CSMD1: variants seen among roughly 807,000 people sequenced by gnomAD.
The protein encoded by CSMD1 is CUB and Sushi multiple domains 1, also known as CUB and sushi domain-containing protein 1.
A neutral mutation model predicts 417.5 loss-of-function variants in CSMD1; 213 were observed. That is an observed-to-expected ratio of 0.51 (90% CI 0.46 to 0.57). The LOEUF is 0.57. Among genes scored for constraint, CSMD1 ranks in the 20% least tolerant of loss-of-function variants. The pLI is 0.00. For synonymous variants in CSMD1, 2,862 were observed against 1,736.8 expected (o/e 1.65, Z -16.11); for missense variants, 6,923 against 4,529.7 (o/e 1.53, Z -15.17).
intron 3 of CSMD1, among the ~76,000 whole-genome samples, chr8:4,414,059 C>CA (rs1267333686): frequency 6.6e-6 from 1 of 152,148 alleles, no homozygotes; most frequent in African/African-American, 2.4e-5. Flanking sequence ...TCTATCCTGC[C>CA]AGGTGCATCA....
chr8:4,879,758 A>T (rs1563659670), intron 1 of CSMD1, among the ~76,000 whole-genome samples: 1 of 152,136 alleles, frequency 6.6e-6, no homozygotes, highest in Non-Finnish European at 1.5e-5. Context: ...ATAGAACCGG[A>T]AATCTCAAGT....
At chr8:4,316,371 T>C (rs1798930186) in intron 3 of CSMD1, among the ~76,000 whole-genome samples, 1 of 152,162 alleles carries the variant, frequency 6.6e-6, no homozygotes, top group South Asian at 2.1e-4. Flanking sequence ...TACTCTGGGC[T>C]GCCACAGACC....
At chr8:4,824,082 C>CCA (rs34597770) in intron 1 of CSMD1, among the ~76,000 whole-genome samples, 10,073 of 147,670 alleles carry the variant, frequency 0.068, 581 homozygotes, top group East Asian at 0.26. Flanking sequence ...AAATAAATAT[C>CCA]CACACACACA....
intron 1 of CSMD1, among the ~76,000 whole-genome samples, chr8:4,880,502 T>C (rs1393158242): frequency 2.0e-5 from 3 of 152,080 alleles, no homozygotes; most frequent in Non-Finnish European, 4.4e-5. Context: ...AATTCTGTCA[T>C]ACAGAACCAC....
At chr8:4,788,023 C>G in intron 1 of CSMD1, 1 of 1,589,048 alleles carries the variant, frequency 6.3e-7, no homozygotes, top group South Asian at 1.1e-5. Flanking sequence ...AAAGAAGTAA[C>G]TCCTGAAGGG....
intron 7 of CSMD1, among the ~76,000 whole-genome samples, chr8:3,668,740 C>A (rs1264886204): frequency 6.6e-6 from 1 of 152,094 alleles, no homozygotes; most frequent in African/African-American, 2.4e-5. Flanking sequence ...GAGGGGCCAA[C>A]GCTAGGGAAG....
chr8:4,185,943 G>A (rs868099751), intron 3 of CSMD1, among the ~76,000 whole-genome samples: 1 of 152,130 alleles, frequency 6.6e-6, no homozygotes, highest in Non-Finnish European at 1.5e-5. Flanking sequence ...AATACTTTCA[G>A]CTTAAGGTCT....
At chr8:3,809,592 C>A (rs889610735) in intron 5 of CSMD1, among the ~76,000 whole-genome samples, 2 of 151,900 alleles carry the variant, frequency 1.3e-5, no homozygotes, top group African/African-American at 2.4e-5. Context: ...AGATAGTTGG[C>A]CCCACCTGCA....
intron 5 of CSMD1, among the ~76,000 whole-genome samples, chr8:3,786,080 T>A (rs1238287585): frequency 6.6e-6 from 1 of 152,112 alleles, no homozygotes; most frequent in Non-Finnish European, 1.5e-5. Context: ...CAGGCCTCAT[T>A]GAAAGACTGG....
At chr8:4,607,753 C>G (rs2130782412) in intron 2 of CSMD1, among the ~76,000 whole-genome samples, 1 of 152,326 alleles carries the variant, frequency 6.6e-6, no homozygotes, top group South Asian at 2.1e-4. Context: ...CCTCAAACCG[C>G]TTGAGAGTGA....
At chr8:3,961,389 T>C (rs1232075751) in intron 5 of CSMD1, among the ~76,000 whole-genome samples, 5 of 152,240 alleles carry the variant, frequency 3.3e-5, no homozygotes, top group Non-Finnish European at 7.3e-5. Flanking sequence ...GACTCCACTG[T>C]ACACAGTTTC....
intron 6 of CSMD1, among the ~76,000 whole-genome samples, chr8:3,732,408 A>G (rs2129047947): frequency 6.6e-6 from 1 of 152,306 alleles, no homozygotes; most frequent in East Asian, 1.9e-4. Flanking sequence ...CCCTTCAATG[A>G]AATTAATAAT....
intron 2 of CSMD1, among the ~76,000 whole-genome samples, chr8:4,546,085 C>G (rs919134568): frequency 6.6e-6 from 1 of 152,168 alleles, no homozygotes; most frequent in Non-Finnish European, 1.5e-5. Context: ...CACCCTCACC[C>G]AGGTATAAAT....
chr8:3,733,119 A>T (rs1376425832), intron 6 of CSMD1, among the ~76,000 whole-genome samples: 1 of 151,666 alleles, frequency 6.6e-6, no homozygotes, highest in African/African-American at 2.4e-5. Context: ...AGTGGAAAAG[A>T]TAAAGTGAAA....
chr8:3,232,537 G>A (rs1200554340), intron 26 of CSMD1, among the ~76,000 whole-genome samples: 1 of 152,158 alleles, frequency 6.6e-6, no homozygotes, highest in Non-Finnish European at 1.5e-5. Flanking sequence ...ATAAAATGCT[G>A]CTGCGAAAAC....
chr8:3,249,763 T>C (rs76764656), intron 26 of CSMD1, among the ~76,000 whole-genome samples: 1 of 146,172 alleles, frequency 6.8e-6, no homozygotes, highest in African/African-American at 2.5e-5. Flanking sequence ...CCGTTTTTTT[T>C]AAATCTAATC....
rs73658254 is a variant in CSMD1 at position 3,773,786 on chromosome 8, T to C, written c.819-19744A>G. Among the ~76,000 whole-genome samples the C allele has an allele frequency of 9.1e-3, 1,391 of 152,280 alleles. 23 individuals carry two copies. The highest frequency in any genetic ancestry group is 0.032 in the African/African-American group (1,319 of 41,554). ...GAATAAATATCCAGAATAAATATCA[T>C]TCAAGTGGCAGGCCCATCTACATGC... On this transcript the variant is annotated intron_variant, in intron 5 of 69. Transcript: ENST00000635120.
At chr8:3,880,365 A>G (rs1585131955) in intron 5 of CSMD1, among the ~76,000 whole-genome samples, 2 of 152,242 alleles carry the variant, frequency 1.3e-5, no homozygotes, top group Admixed American at 6.5e-5. Flanking sequence ...GACAGTAAAC[A>G]ATATGCCAAA....
intron 3 of CSMD1, among the ~76,000 whole-genome samples, chr8:4,114,877 C>T (rs1274613063): frequency 6.6e-6 from 1 of 152,118 alleles, no homozygotes; most frequent in Non-Finnish European, 1.5e-5. Context: ...TAAAACTTAA[C>T]AGATGAGGAA....
Sources: gnomAD v4.1 joint callset for allele counts (sites outside exome capture counted in the v4.1 genomes callset) on GRCh38, gnomAD v4.1.1 for gene constraint, MANE v1.5 for transcripts, NCBI Gene and HGNC (gene_info 2026-07-23, HGNC 2026-07-21) for gene names.